Variants in EOGT observed in about 807,000 individuals in gnomAD.
EOGT encodes the protein EGF domain specific O-linked N-acetylglucosamine transferase.
In EOGT, 55 loss-of-function variants were observed where a neutral mutation model predicts 70.5. The observed-to-expected ratio is 0.78, with a 90% CI of 0.63 to 0.98. EOGT has a LOEUF of 0.98. EOGT is among the 50% of genes least tolerant of loss of function. The pLI is 0.00. For missense variants in EOGT, 703 were observed against 641.9 expected (o/e 1.10, Z -1.03); for synonymous variants, 246 against 217.1 (o/e 1.13, Z -1.17).
intron 4 of EOGT, 59 bp from the exon 5 acceptor site, chr3:69,008,587 A>T (rs528451158): frequency 2.1e-5 from 25 of 1,218,352 alleles, no homozygotes; most frequent in African/African-American, 2.0e-4. Context: ...AGACTCTTAG[A>T]TTTTTCCATT....
At chr3:68,997,481 A>T (rs980577634) in intron 10 of EOGT, among the ~76,000 whole-genome samples, 42 of 151,672 alleles carry the variant, frequency 2.8e-4, no homozygotes, top group African/African-American at 1.0e-3. Context: ...TGATTCTCCG[A>T]CCACAGCCTC....
chr3:68,982,942 T>C (rs1051192480), intron 14 of EOGT, 70 bp from the exon 15 acceptor site: 20 of 1,192,510 alleles, frequency 1.7e-5, no homozygotes, highest in Non-Finnish European at 1.8e-5. Context: ...TTATGAGTCC[T>C]AAAATTTCTT....
intron 9 of EOGT, 48 bp from the exon 10 acceptor site, chr3:68,998,162 G>T: frequency 9.8e-7 from 1 of 1,019,532 alleles, no homozygotes; most frequent in South Asian, 1.4e-5. Context: ...AAGAGCACAT[G>T]ATCAAGCAAG....
chr3:68,998,855 G>GA (rs368795802), intron 9 of EOGT, among the ~76,000 whole-genome samples: 112,816 of 138,694 alleles, frequency 0.81, 45,894 homozygotes, highest in Admixed American at 0.85. Flanking sequence ...AAAAAAACCA[G>GA]AAAAAAAAAA....
chr3:69,009,518 TTA>T, intron 4 of EOGT, 117 bp downstream of exon 4: 1 of 702,522 alleles, frequency 1.4e-6, no homozygotes, highest in East Asian at 2.7e-5. Flanking sequence ...AATGATTAAC[TTA>T]TACAGTGACA....
chr3:68,993,698 T>G (rs1211482224), intron 10 of EOGT, among the ~76,000 whole-genome samples: 2 of 152,208 alleles, frequency 1.3e-5, no homozygotes, highest in African/African-American at 2.4e-5. Context: ...GTTTTCAGTC[T>G]GCTGATAAAG....
chr3:69,002,329 G>A (rs987253618), intron 8 of EOGT, among the ~76,000 whole-genome samples: 1 of 152,138 alleles, frequency 6.6e-6, no homozygotes, highest in East Asian at 1.9e-4. Context: ...AAATTTTAGA[G>A]TCATTTGTTA....
Position 69,003,499 on chromosome 3 carries a change from A to G in EOGT, c.620+879T>C, listed in dbSNP as rs944694488. 4.6e-5 allele frequency among the ~76,000 whole-genome samples: 7 copies of G among 152,114 alleles called. No homozygotes were observed. The South Asian group carries it at 1.2e-3, about 27-fold the overall frequency. On this transcript the variant is annotated intron_variant, in intron 8 of 17. Coordinates refer to ENST00000383701, the MANE Select transcript of EOGT (RefSeq NM_001278689.2). ...GCTCTCTTGTCTGCTGTCATGTAAG[A>G]CGTGCCTTTGTTCCTCCTTTGCCTT... is the stretch of plus-strand genomic sequence containing the variant.
chr3:68,982,974 A>T, intron 14 of EOGT, 102 bp from the exon 15 acceptor site: 1 of 619,972 alleles, frequency 1.6e-6, no homozygotes, highest in South Asian at 2.3e-5. Flanking sequence ...ACTATTTCAG[A>T]TATTAAATAT....
At chr3:68,990,355 T>A in intron 10 of EOGT, among the ~76,000 whole-genome samples, 1 of 147,448 alleles carries the variant, frequency 6.8e-6, no homozygotes, top group Non-Finnish European at 1.5e-5. Flanking sequence ...ATGCTTTTTT[T>A]TTTTTTTTTT....
intron 5 of EOGT, 39 bp downstream of exon 5, chr3:69,008,389 G>C (rs1559616107): frequency 7.1e-7 from 1 of 1,405,038 alleles, no homozygotes; most frequent in Non-Finnish European, 1.0e-6. Flanking sequence ...TGTATAGAAA[G>C]AGGAAGACTT....
intron 13 of EOGT, among the ~76,000 whole-genome samples, chr3:68,988,072 G>A (rs893071982): frequency 1.2e-4 from 19 of 152,248 alleles, no homozygotes; most frequent in Admixed American, 7.2e-4. Flanking sequence ...ATGCCACCTC[G>A]TCCAGCTAAT....
intron 3 of EOGT, among the ~76,000 whole-genome samples, chr3:69,010,263 T>C (rs974399051): frequency 2.0e-5 from 3 of 152,172 alleles, no homozygotes; most frequent in Admixed American, 6.5e-5. Context: ...AGACATAAGA[T>C]CTCTGTGGCA....
At chr3:69,001,922 T>G (rs752470894) in intron 8 of EOGT, among the ~76,000 whole-genome samples, 1 of 152,212 alleles carries the variant, frequency 6.6e-6, no homozygotes, top group Non-Finnish European at 1.5e-5. Context: ...CCGGGTGCAG[T>G]GGCTCAAACC....
intron 8 of EOGT, among the ~76,000 whole-genome samples, chr3:69,003,734 T>TAGAGCCTGGGAGGGAGAC (rs2091361542): frequency 6.6e-6 from 1 of 152,102 alleles, no homozygotes; most frequent in Non-Finnish European, 1.5e-5. Flanking sequence ...GAGAGGGGGA[T>TAGAGCCTGGGAGGGAGAC]GGGGGTAGAG....
chr3:69,009,862 T>C lies in EOGT; in HGVS notation c.-14-2A>G, dbSNP rs776949028. The C allele has an allele frequency of 4.2e-5, 66 of 1,569,490 alleles. No individual in the cohort carries two copies. In the South Asian group the frequency reaches 7.2e-4, roughly 17 times the overall value. On this transcript the variant is annotated splice_acceptor_variant, in intron 3 of 17. Transcript: ENST00000383701. LOFTEE classifies it low-confidence loss of function (5UTR_SPLICE). ...ACATTAACATAGCAACCTGCAAACC[T>C]AGAGATCAAAATGAAGACAACTTTG...
chr3:69,009,654 A>G lies in EOGT; in HGVS notation c.193T>C (p.Ser65Pro). Residue 65 changes from serine (S) to proline (P), a missense_variant, in exon 4 of 18, where the codon TCT becomes CCT. Ser to Pro is a moderately conservative substitution (Grantham distance 74). Coordinates refer to ENST00000383701, the MANE Select transcript of EOGT (RefSeq NM_001278689.2). ...ATACCTACCTTATATGGACAAAGAGAGTCTTTCCTACAGACAGTGGCAATA... is the reference window on the plus strand; with the variant it reads ...ATACCTACCTTATATGGACAAAGAGGGTCTTTCCTACAGACAGTGGCAATA... ...RHIATVCRKD[S>P]LCPYKKHLEK... 2 of 1,613,294 alleles carry G rather than the reference A, an allele frequency of 1.2e-6. No individual in the cohort carries two copies. The highest frequency in any genetic ancestry group is 1.7e-6 in the Non-Finnish European group (2 of 1,179,258).
At position 69,003,969 on chromosome 3, in the gene EOGT, C is replaced by T. The variant is rs530809967; in HGVS notation, c.620+409G>A. On this transcript the variant is annotated intron_variant, in intron 8 of 17. Coordinates refer to ENST00000383701, the MANE Select transcript of EOGT (RefSeq NM_001278689.2). ...CCCAGGCTGGCCTTGAACTCCTGGG[C>T]TCAAGTAATACTTCTACCTTGGCCT... is the stretch of plus-strand genomic sequence containing the variant. 4.6e-5 allele frequency among the ~76,000 whole-genome samples: 7 copies of T among 152,280 alleles called. No individual in the cohort carries two copies. In the South Asian group the frequency reaches 1.5e-3, roughly 32 times the overall value.
intron 17 of EOGT, 54 bp from the exon 18 acceptor site, chr3:68,977,818 T>A (rs1460154881): frequency 2.7e-5 from 41 of 1,536,136 alleles, no homozygotes; most frequent in Admixed American, 2.7e-4. Context: ...CATGGTTTTC[T>A]CTACAGCAGG....
Sources: allele counts gnomAD v4.1 joint callset (sites outside exome capture counted in the v4.1 genomes callset), GRCh38; gene constraint gnomAD v4.1.1; transcripts MANE v1.5; gene names NCBI Gene and HGNC (gene_info 2026-07-23, HGNC 2026-07-21).